The following KIF25 variants were observed in gnomAD, a reference collection of about 807,000 sequenced individuals.
The protein encoded by KIF25 is kinesin family member 25.
A neutral mutation model predicts 32.9 loss-of-function variants in KIF25; 19 were observed. The observed-to-expected ratio is 0.58, with a 90% CI of 0.40 to 0.85. The LOEUF (loss-of-function observed/expected upper bound fraction) is 0.85. Ranked by LOEUF, KIF25 falls within the 40% of genes least tolerant of loss-of-function variation. KIF25 has a pLI of 0.00. For synonymous variants in KIF25, 225 were observed against 213.7 expected, an observed-to-expected ratio of 1.05 and a Z score of -0.46; for missense variants, 485 against 507.0, an observed-to-expected ratio of 0.96 and a Z score of 0.42.
At chr6:168,001,865 T>C (rs533755850) in intron 2 of KIF25, among the ~76,000 whole-genome samples, 894 of 51,522 alleles carry the variant, frequency 0.017, 11 homozygotes, top group African/African-American at 0.022. Context: ...CTCGGGCAGG[T>C]GAGAAAGACA....
Position 168,038,668 on chromosome 6 carries a change from G to T in KIF25, c.433G>T (p.Val145Phe). 1.2e-6 allele frequency: 2 copies of T among 1,614,220 alleles called. No individual in the cohort carries two copies. Among genetic ancestry groups the T allele is most frequent in the Non-Finnish European group, 8.5e-7 (1 of 1,180,044 alleles). Residue 145 changes from valine to phenylalanine, a missense_variant, in exon 9 of 13, where the codon GTC (valine) becomes TTC (phenylalanine). This residue lies in a region of KIF25 where 480 missense variants were observed against 470.3 expected (regional missense o/e 1.02). Transcript: ENST00000643607. Reference sequence around the variant, plus strand: ...AGACAGCATTGCAGCAGTGTCGGGGGTCAAGCGTGAGGTGGTGACAGCCAA... The same window carrying T: ...AGACAGCATTGCAGCAGTGTCGGGGTTCAAGCGTGAGGTGGTGACAGCCAA... ...AKDSIAAVSG[V>F]KREVVTAKDG... is the part of the protein sequence containing the mutation.
chr6:168,002,857 G>A (rs76757419), intron 3 of KIF25, among the ~76,000 whole-genome samples, 198 bp downstream of exon 3: 17,373 of 152,214 alleles, frequency 0.11, 1,084 homozygotes, highest in Middle Eastern at 0.18. Context: ...AGCAGTGATG[G>A]AGACAGTGAC....
intron 4 of KIF25, among the ~76,000 whole-genome samples, chr6:168,015,904 G>T (rs1583130403): frequency 6.6e-6 from 1 of 152,044 alleles, no homozygotes; most frequent in African/African-American, 2.4e-5. Context: ...TTGAGCTTTC[G>T]GGTTAGACAC....
intron 4 of KIF25, among the ~76,000 whole-genome samples, chr6:168,017,154 CT>C (rs1467065334): frequency 6.6e-6 from 1 of 152,232 alleles, no homozygotes; most frequent in African/African-American, 2.4e-5. Flanking sequence ...CAGCTTTTGT[CT>C]TTATAAAATA....
intron 4 of KIF25, among the ~76,000 whole-genome samples, chr6:168,016,909 G>T (rs2114880446): frequency 6.6e-6 from 1 of 152,370 alleles, no homozygotes; most frequent in South Asian, 2.1e-4. Context: ...GGCTGAGGCT[G>T]GCGTTCCGTC....
At chr6:168,002,211 C>T (rs1339840151) in intron 2 of KIF25, among the ~76,000 whole-genome samples, 7 of 110,400 alleles carry the variant, frequency 6.3e-5, no homozygotes, top group Admixed American at 3.5e-4. Flanking sequence ...GAGAAGACAC[C>T]TTCAGGCATA....
chr6:168,028,730 C>T (rs148066619), intron 5 of KIF25, among the ~76,000 whole-genome samples: 24 of 152,244 alleles, frequency 1.6e-4, no homozygotes, highest in African/African-American at 4.3e-4. Context: ...AGGAACATGC[C>T]GTGACTTTTC....
chr6:168,008,176 G>A (rs778947566), intron 4 of KIF25, among the ~76,000 whole-genome samples: 3 of 152,148 alleles, frequency 2.0e-5, no homozygotes, highest in Non-Finnish European at 2.9e-5. Flanking sequence ...CATTTCCTCT[G>A]TGTTTTCTTC....
chr6:168,042,694 C>G lies in KIF25; in HGVS notation c.963C>G (p.Thr321=). Residue 321 remains threonine (T), a synonymous_variant, in exon 12 of 13, where the codon ACC becomes ACG. Coordinates refer to ENST00000643607, the MANE Select transcript of KIF25 (RefSeq NM_030615.4). The stretch of plus-strand genomic sequence containing the variant: ...CCCCGTACCGGAACAGCAGGCTCAC[C>G]CACCTCCTTCAGGACTGCCTCGGTA... ...GHAPYRNSRL[T]HLLQDCLGGD... The G allele has an allele frequency of 1.2e-6, 2 of 1,612,644 alleles. No individual in the cohort carries two copies. The highest frequency in any genetic ancestry group is 1.7e-6 in the Non-Finnish European group (2 of 1,179,894).
intron 2 of KIF25, 79 bp from the exon 3 acceptor site, chr6:168,002,464 C>G (rs114792009): frequency 6.6e-6 from 1 of 152,284 alleles, no homozygotes; most frequent in African/African-American, 2.4e-5. Context: ...TCCTAAGAAG[C>G]TCCATAAACG....
chr6:168,004,239 T>C (rs1231415720), intron 4 of KIF25, among the ~76,000 whole-genome samples: 1 of 152,080 alleles, frequency 6.6e-6, no homozygotes, highest in Non-Finnish European at 1.5e-5. Context: ...CCTGGGGCAC[T>C]TGGGGAGCTG....
chr6:168,023,516 C>T (rs1391431770), intron 5 of KIF25, among the ~76,000 whole-genome samples: 1 of 152,170 alleles, frequency 6.6e-6, no homozygotes, highest in Non-Finnish European at 1.5e-5. Flanking sequence ...GATCGGCCCA[C>T]CTTGGTCTCC....
intron 8 of KIF25, among the ~76,000 whole-genome samples, chr6:168,034,988 ATTCAACCAGTCATTT>A (rs1312983630): frequency 6.6e-6 from 1 of 152,156 alleles, no homozygotes; most frequent in East Asian, 1.9e-4. Context: ...GTCATTAAAT[ATTCAACCAGTCATTT>A]TTCCTTCTGC....
intron 5 of KIF25, among the ~76,000 whole-genome samples, chr6:168,020,128 T>TCAAACAAACAAA (rs58439453): frequency 0.011 from 1,653 of 150,358 alleles, 15 homozygotes; most frequent in East Asian, 0.018. Context: ...AGACTCCATC[T>TCAAACAAACAAA]CAAACAAACA....
At chr6:168,016,161 T>C (rs227239) in intron 4 of KIF25, among the ~76,000 whole-genome samples, 128,592 of 152,150 alleles carry the variant, frequency 0.85, 54,482 homozygotes, top group East Asian at 0.97. Context: ...TCTGTTCTTA[T>C]GGCGAGGCCA....
chr6:168,011,180 T>C (rs1164486832), intron 4 of KIF25, among the ~76,000 whole-genome samples: 1 of 152,206 alleles, frequency 6.6e-6, no homozygotes, highest in African/African-American at 2.4e-5. Context: ...GTTTTGTCTA[T>C]CCTTTGCTTC....
At chr6:168,039,209 G>A (rs769144996) in intron 9 of KIF25, among the ~76,000 whole-genome samples, 24 of 152,216 alleles carry the variant, frequency 1.6e-4, no homozygotes, top group East Asian at 5.8e-4. Context: ...TCAGATGGGC[G>A]TCATCCCATC....
At chr6:168,026,122 C>T (rs1798857335) in intron 5 of KIF25, among the ~76,000 whole-genome samples, 2 of 152,208 alleles carry the variant, frequency 1.3e-5, no homozygotes, top group Non-Finnish European at 2.9e-5. Flanking sequence ...GGCAGAAGGT[C>T]TCAGTCTTTG....
intron 8 of KIF25, among the ~76,000 whole-genome samples, chr6:168,037,128 G>C (rs1799035964): frequency 6.6e-6 from 1 of 152,188 alleles, no homozygotes; most frequent in African/African-American, 2.4e-5. Flanking sequence ...ATGTTTCACT[G>C]TTGCACACAC....
Sources: gnomAD v4.1 joint callset for allele counts (sites outside exome capture counted in the v4.1 genomes callset) on GRCh38, gnomAD v4.1.1 for gene constraint, gnomAD v4.1.1 regional missense constraint, MANE v1.5 for transcripts, NCBI Gene and HGNC (gene_info 2026-07-23, HGNC 2026-07-21) for gene names.